The following MPDU1 variants were observed in gnomAD, a reference collection of about 807,000 sequenced individuals.
MPDU1 encodes the protein mannose-P-dolichol utilization defect 1 protein.
MPDU1 carries 18 observed loss-of-function variants against 27.6 expected under a neutral mutation model. The observed-to-expected ratio is 0.65, with a 90% confidence interval of 0.45 to 0.97. MPDU1 has a LOEUF of 0.97. MPDU1 is among the 50% of genes least tolerant of loss of function. MPDU1 has a pLI of 0.00. For missense variants in MPDU1, 279 were observed against 297.4 expected (o/e 0.94, Z 0.46); for synonymous variants, 142 against 131.1 (o/e 1.08, Z -0.57).
At chr17:7,585,578 C>T (rs1352187371) in intron 1 of MPDU1, 154 bp from the exon 2 acceptor site, 1 of 686,680 alleles carries the variant, frequency 1.5e-6, no homozygotes, top group African/African-American at 1.8e-5. Flanking sequence ...CAGGAAGGAC[C>T]AGGACTTTCT....
intron 3 of MPDU1, 194 bp downstream of exon 3, chr17:7,586,272 T>C (rs2071581256): frequency 7.7e-6 from 5 of 646,638 alleles, no homozygotes; most frequent in Non-Finnish European, 1.4e-5. Flanking sequence ...AAACCCCGTC[T>C]CTACTAAAAA....
intron 3 of MPDU1, 88 bp from the exon 4 acceptor site, chr17:7,586,604 C>A: frequency 8.7e-7 from 1 of 1,143,072 alleles, no homozygotes; most frequent in Non-Finnish European, 1.3e-6. Flanking sequence ...GTGATCAGAG[C>A]ATAGTGTCCC....
rs757422871 is a variant in MPDU1, at chr17:7,585,823, C to T, written c.169+26C>T. The T allele has an allele frequency of 7.4e-6, 12 of 1,613,628 alleles. No individual in the cohort carries two copies. In the East Asian group the frequency reaches 2.2e-4, roughly 30 times the overall value. ...GTATGTCTCTTATCTTTCTTTCCAG[C>T]TGTTGGGTTGGGGTGGAGGTGCTGA... On this transcript the variant is annotated intron_variant, in intron 2 of 6. Coordinates refer to ENST00000250124, the MANE Select transcript of MPDU1 (RefSeq NM_004870.4).
At position 7,586,124 on chromosome 17, in the gene MPDU1, A is replaced by C. The variant is rs532922200; in HGVS notation, c.302+46A>C. 38 of 1,609,214 alleles carry C rather than the reference A, an allele frequency of 2.4e-5. No homozygotes were observed. The African/African-American group carries it at 4.4e-4, about 19-fold the overall frequency. On this transcript the variant is annotated intron_variant, in intron 3 of 6. Coordinates refer to ENST00000250124, the MANE Select transcript of MPDU1 (RefSeq NM_004870.4). ...CCCCAAGGGTAATACCCACAACTCT[A>C]ATGGGGATTAAGGTGAAGGAGGTTA...
At chr17:7,586,368 G>A in intron 3 of MPDU1, 1 of 512,260 alleles carries the variant, frequency 2.0e-6, no homozygotes, top group South Asian at 2.0e-5. Flanking sequence ...GAACCTGGGA[G>A]GCAGAGGTTG....
rs760023728 is a variant in MPDU1, at chr17:7,587,269, C to T, written c.616C>T (p.Gln206Ter). The T allele has an allele frequency of 3.1e-6, 5 of 1,613,790 alleles. No individual in the cohort carries two copies. Among genetic ancestry groups the T allele is most frequent in the Non-Finnish European group, 4.2e-6 (5 of 1,179,870 alleles). ...GSLARIFTSI[Q>*]ETGDPLMAGT... is the part of the protein sequence containing the mutation. Reference sequence around the variant, plus strand: ...CCTGGCCCGAATCTTCACTTCCATTCAGGTGAGTGCAACATCTTCCTTCTA... The same window carrying T: ...CCTGGCCCGAATCTTCACTTCCATTTAGGTGAGTGCAACATCTTCCTTCTA... Residue 206 changes from glutamine to a stop codon, truncating the protein, a stop_gained and splice_region_variant, in exon 6 of 7, where the codon CAG becomes TAG. Transcript: ENST00000250124. LOFTEE classifies it high-confidence loss of function.
rs771848986 is a variant in MPDU1 at position 7,588,195 on chromosome 17, G to C, written c.*644G>C. On this transcript the variant is annotated 3_prime_UTR_variant, in exon 7 of 7. Coordinates refer to ENST00000250124, the MANE Select transcript of MPDU1 (RefSeq NM_004870.4). ...AGACTCAGTTGAATAATACAAAACTGTTTAATACTACCAAAAATATAATTG... is the reference window on the plus strand; with the variant it reads ...AGACTCAGTTGAATAATACAAAACTCTTTAATACTACCAAAAATATAATTG... 54 of 751,332 alleles carry C rather than the reference G, an allele frequency of 7.2e-5. 4 individuals carry two copies. The African/African-American group carries it at 8.7e-4, about 12-fold the overall frequency. The allele number at this position is 751,332 out of a possible 1,614,324, so 46.5% of individuals were successfully genotyped here.
chr17:7,585,877 C>T (rs1453265772), intron 2 of MPDU1, 69 bp from the exon 3 acceptor site: 1 of 1,612,356 alleles, frequency 6.2e-7, no homozygotes, highest in Non-Finnish European at 8.5e-7. Flanking sequence ...GGTGTTCGTT[C>T]TATAGCTGTT....
At chr17:7,586,240 G>A (rs527423020) in intron 3 of MPDU1, 162 bp downstream of exon 3, 1 of 810,098 alleles carries the variant, frequency 1.2e-6, no homozygotes, top group Non-Finnish European at 2.0e-6. Context: ...GAGGTCAGGA[G>A]TTCGAACTGG....
chr17:7,587,067 G>GGGGGGGGGGGGGGC, intron 5 of MPDU1, 50 bp downstream of exon 5: 9 of 1,041,236 alleles, frequency 8.6e-6, no homozygotes, highest in Non-Finnish European at 1.1e-5. Flanking sequence ...GGGTGGGGGG[G>GGGGGGGGGGGGGGC]AAGAGTAGAA....
chr17:7,585,965 T>G lies in MPDU1; in HGVS notation c.189T>G (p.Phe63Leu), dbSNP rs750579485. ...CCCTAGTAAAGCTGCCCCAGGTGTT[T>G]AAAATCCTGGGAGCCAAGAGTGCTG... ...GSLLVKLPQVFKILGAKSAEG... is the reference protein window; with the variant it reads ...GSLLVKLPQVLKILGAKSAEG... The change falls in exon 3 of 7, where the codon TTT (phenylalanine) becomes TTG (leucine). Residue 63 changes from phenylalanine to leucine, a missense_variant. Phe to Leu is a conservative substitution (Grantham distance 22, BLOSUM62 0). Coordinates refer to ENST00000250124, the MANE Select transcript of MPDU1 (RefSeq NM_004870.4). The G allele has an allele frequency of 6.2e-7, 1 of 1,614,138 alleles. No individual in the cohort carries two copies. The highest frequency in any genetic ancestry group is 8.5e-7 in the Non-Finnish European group (1 of 1,180,004).
intron 1 of MPDU1, chr17:7,584,343 C>T (rs1192669375): frequency 8.5e-6 from 4 of 469,734 alleles, no homozygotes; most frequent in Non-Finnish European, 1.5e-5. Flanking sequence ...CCAAAGGCTC[C>T]GCCACCCTGA....
At chr17:7,584,542 A>G (rs1049011423) in intron 1 of MPDU1, among the ~76,000 whole-genome samples, 2 of 152,240 alleles carry the variant, frequency 1.3e-5, no homozygotes, top group African/African-American at 4.8e-5. Flanking sequence ...AGCCGCATTC[A>G]TGACCCGTGA....
In MPDU1 at chr17:7,587,800, T is replaced by C; in HGVS notation, c.*249T>C. ...TGAGTGCTTTCGTAAGCCCTGTACA[T>C]GTACTATTAATTCAGTCATTCAGCC... On this transcript the variant is annotated 3_prime_UTR_variant, in exon 7 of 7. Coordinates refer to ENST00000250124, the MANE Select transcript of MPDU1 (RefSeq NM_004870.4). The C allele has an allele frequency of 1.6e-6, 1 of 610,728 alleles. No individual in the cohort carries two copies. The highest frequency in any genetic ancestry group is 3.5e-5 in the East Asian group (1 of 28,392). 37.8% of individuals were successfully genotyped at this position (610,728 alleles called of 1,614,324 possible). A position where few individuals can be genotyped will look rare whatever the true frequency, so the allele number is the denominator to read the frequency against.
chr17:7,583,839 A>C, upstream of MPDU1: 1 of 1,612,402 alleles, frequency 6.2e-7, no homozygotes, highest in Non-Finnish European at 8.5e-7. Flanking sequence ...GTCTGGAGAG[A>C]CTGGCGGAAG....
At position 7,585,867 on chromosome 17, in the gene MPDU1, G is replaced by C. The variant is rs2071574142; in HGVS notation, c.169+70G>C. On this transcript the variant is annotated intron_variant, in intron 2 of 6. Coordinates refer to ENST00000250124, the MANE Select transcript of MPDU1 (RefSeq NM_004870.4). ...GTGCTGAGAGGCCATCAACTGTGTG[G>C]GTGTTCGTTCTATAGCTGTTGTGTT... The C allele has an allele frequency of 1.9e-6, 3 of 1,611,624 alleles. No homozygotes were observed. In the Admixed American group the frequency reaches 5.0e-5, roughly 27 times the overall value.
At position 7,587,520 on chromosome 17, in the gene MPDU1, A is replaced by G. The variant is rs775877177; in HGVS notation, c.713A>G (p.Lys238Arg). 5.8e-5 allele frequency: 94 copies of G among 1,613,380 alleles called. No homozygotes were observed. The highest frequency in any genetic ancestry group is 3.3e-4 in the Admixed American group (20 of 59,918). Residue 238 changes from lysine to arginine, a missense_variant, in exon 7 of 7, where the codon AAG (lysine) becomes AGG (arginine). By Grantham distance (26) the Lys-to-Arg change is conservative. Coordinates refer to ENST00000250124, the MANE Select transcript of MPDU1 (RefSeq NM_004870.4). The stretch of plus-strand genomic sequence containing the variant: ...CAGCTGCTCTTCTACTGGAATGCAA[A>G]GCCTCCCCACAAGCAGAAAAAGGCG... ...AAQLLFYWNA[K>R]PPHKQKKAQ
chr17:7,587,727 A>G lies in MPDU1; in HGVS notation c.*176A>G. 1 of 983,772 alleles carries G rather than the reference A, an allele frequency of 1.0e-6. No homozygotes were observed. The highest frequency in any genetic ancestry group is 2.7e-5 in the East Asian group (1 of 37,006). The allele number at this position is 983,772 out of a possible 1,614,324, so 60.9% of individuals were successfully genotyped here. A position where few individuals can be genotyped will look rare whatever the true frequency, so the allele number is the denominator to read the frequency against. On this transcript the variant is annotated 3_prime_UTR_variant, in exon 7 of 7. Transcript: ENST00000250124. Reference sequence around the variant, plus strand: ...ATGGTTGATGGATCCAGATCCTTAGAAAAGGAGAGGATGGGGGTAGAGTCT... The same window carrying G: ...ATGGTTGATGGATCCAGATCCTTAGGAAAGGAGAGGATGGGGGTAGAGTCT...
chr17:7,587,266 A>G lies in MPDU1; in HGVS notation c.613A>G (p.Ile205Val), dbSNP rs1473747780. ...CTCCCTGGCCCGAATCTTCACTTCC[A>G]TTCAGGTGAGTGCAACATCTTCCTT... is the stretch of plus-strand genomic sequence containing the variant. Reference protein sequence around the residue: ...GGSLARIFTSIQETGDPLMAG... With the variant: ...GGSLARIFTSVQETGDPLMAG... The change falls in exon 6 of 7, where the codon ATT becomes GTT. Residue 205 changes from isoleucine (I) to valine (V), a missense_variant. Ile to Val is a conservative substitution (Grantham distance 29). Transcript: ENST00000250124. 11 of 1,613,836 alleles carry G rather than the reference A, an allele frequency of 6.8e-6. No individual in the cohort carries two copies. Among genetic ancestry groups the G allele is most frequent in the East Asian group, 2.2e-5 (1 of 44,866 alleles).
Sources: allele counts gnomAD v4.1 joint callset (sites outside exome capture counted in the v4.1 genomes callset), GRCh38; gene constraint gnomAD v4.1.1; transcripts MANE v1.5; gene names NCBI Gene and HGNC (gene_info 2026-07-23, HGNC 2026-07-21).